RICTOR: variants seen among roughly 807,000 people sequenced by gnomAD.
RICTOR encodes RPTOR independent companion of MTOR complex 2.
In RICTOR, 49 loss-of-function variants were observed where a neutral mutation model predicts 214.9. The observed-to-expected ratio is 0.23, with a 90% CI of 0.18 to 0.29. The LOEUF (loss-of-function observed/expected upper bound fraction) is 0.29. RICTOR is among the 10% of genes least tolerant of loss of function. The probability of loss-of-function intolerance (pLI) is 1.00; values close to 1 mark genes in which losing one functional copy is unlikely to be tolerated. For missense variants in RICTOR, 1,625 were observed against 2,047.0 expected (o/e 0.79, Z 3.98); for synonymous variants, 717 against 711.3 (o/e 1.01, Z -0.13).
chr5:39,067,069 G>A (rs150849552), intron 2 of RICTOR, among the ~76,000 whole-genome samples: 76 of 152,180 alleles, frequency 5.0e-4, no homozygotes, highest in African/African-American at 1.6e-3. Context: ...AATGCTCCAC[G>A]CCCACTTACC....
chr5:38,953,183 TGA>T, intron 28 of RICTOR, 92 bp from the exon 29 acceptor site: 1 of 851,180 alleles, frequency 1.2e-6, no homozygotes, highest in Non-Finnish European at 1.9e-6. Context: ...ACCTCATCTC[TGA>T]GAGAGAAAAA....
Position 39,062,817 on chromosome 5 carries a change from A to G in RICTOR, c.97+11294T>C, listed in dbSNP as rs1288759767. On this transcript the variant is annotated intron_variant, in intron 2 of 37. Transcript: ENST00000357387. Reference sequence around the variant, plus strand: ...CCTGAAGTCTTGTTTTGCTGCTATAATAGAGCAATAATTTCCTCAAACACT... The same window carrying G: ...CCTGAAGTCTTGTTTTGCTGCTATAGTAGAGCAATAATTTCCTCAAACACT... Among the ~76,000 whole-genome samples, 5 of 152,290 alleles carry G rather than the reference A, an allele frequency of 3.3e-5. No homozygotes were observed. In the East Asian group the frequency reaches 9.6e-4, roughly 29 times the overall value.
chr5:39,042,061 A>C (rs1580173507), intron 2 of RICTOR, among the ~76,000 whole-genome samples: 1 of 152,256 alleles, frequency 6.6e-6, no homozygotes, highest in South Asian at 2.1e-4. Context: ...CCATAGAAAT[A>C]CCAATTCCAG....
chr5:39,028,433 C>A (rs889462830), intron 2 of RICTOR, among the ~76,000 whole-genome samples: 1 of 152,066 alleles, frequency 6.6e-6, no homozygotes, highest in Non-Finnish European at 1.5e-5. Context: ...CCGCCCGCCT[C>A]GGCCTCCCAA....
rs959981264 is a variant in RICTOR at position 38,939,359 on chromosome 5, T to C, written c.*2945A>G. The C allele has an allele frequency of 1.3e-5, 3 of 232,406 alleles. No homozygotes were observed. The highest frequency in any genetic ancestry group is 4.4e-5 in the African/African-American group (2 of 45,436). The allele number at this position is 232,406 out of a possible 1,614,324, so 14.4% of individuals were successfully genotyped here. On this transcript the variant is annotated 3_prime_UTR_variant, in exon 38 of 38. Coordinates refer to ENST00000357387, the MANE Select transcript of RICTOR (RefSeq NM_152756.5). ...GTACACATTATGTTAATAATGTATA[T>C]ACTTCCAAAGAGCCTCTTTTAATGT...
chr5:39,042,160 T>C (rs1757220634), intron 2 of RICTOR, among the ~76,000 whole-genome samples: 1 of 152,018 alleles, frequency 6.6e-6, no homozygotes, highest in Non-Finnish European at 1.5e-5. Context: ...ATATGAAACA[T>C]GCTATAAAGG....
intron 5 of RICTOR, among the ~76,000 whole-genome samples, chr5:38,997,921 G>A (rs1337965993): frequency 1.3e-5 from 2 of 152,196 alleles, no homozygotes; most frequent in African/African-American, 4.8e-5. Flanking sequence ...AGAAGAAAGT[G>A]AGCTAAAATC....
At chr5:38,947,240 AAAC>A in intron 32 of RICTOR, 21 bp downstream of exon 32, 1 of 1,556,564 alleles carries the variant, frequency 6.4e-7, no homozygotes. Flanking sequence ...ACTCATAGGA[AAAC>A]AATAAAATGT....
intron 9 of RICTOR, among the ~76,000 whole-genome samples, chr5:38,976,358 C>T (rs1418354737): frequency 2.7e-5 from 4 of 150,514 alleles, no homozygotes; most frequent in Admixed American, 6.6e-5. Context: ...TGTGAGCATA[C>T]AAAAAAATCA....
At position 38,945,078 on chromosome 5, in the gene RICTOR, A is replaced by G; in HGVS notation, c.4634-10T>C. ...GGAATATCTTGAAAGTCTGAAGAAA[A>G]AAATAATTATTTCAATTAAAGCACC... On this transcript the variant is annotated splice_polypyrimidine_tract_variant and intron_variant, in intron 34 of 37. Coordinates refer to ENST00000357387, the MANE Select transcript of RICTOR (RefSeq NM_152756.5). 6.4e-7 allele frequency: 1 copy of G among 1,573,104 alleles called. No homozygotes were observed. Among genetic ancestry groups the G allele is most frequent in the Non-Finnish European group, 8.7e-7 (1 of 1,151,540 alleles).
chr5:39,045,926 C>T (rs975293657), intron 2 of RICTOR, among the ~76,000 whole-genome samples: 3 of 151,800 alleles, frequency 2.0e-5, no homozygotes, highest in African/African-American at 7.3e-5. Context: ...CTAATCTTTC[C>T]ATTTGTATTG....
At chr5:38,948,192 C>T (rs1748403119) in intron 31 of RICTOR, among the ~76,000 whole-genome samples, 1 of 152,116 alleles carries the variant, frequency 6.6e-6, no homozygotes, top group South Asian at 2.1e-4. Context: ...CAAGGTTCCA[C>T]ATTTATATAC....
chr5:39,010,225 C>T (rs998787643), intron 3 of RICTOR, among the ~76,000 whole-genome samples: 1 of 152,176 alleles, frequency 6.6e-6, no homozygotes, highest in African/African-American at 2.4e-5. Flanking sequence ...CTTTTCTAGG[C>T]ACTCATTTTC....
rs1326623493 is a variant in RICTOR, at chr5:38,992,464, T to C, written c.457-1389A>G. On this transcript the variant is annotated intron_variant, in intron 6 of 37. Transcript: ENST00000357387. ...GAGCTGGCTGAAAAAACCGGCAAAA[T>C]GGTTTTTAGAGTTAAGTCTGCTATA... 3.3e-5 allele frequency among the ~76,000 whole-genome samples: 5 copies of C among 152,234 alleles called. No homozygotes were observed. In the South Asian group the frequency reaches 6.2e-4, roughly 19 times the overall value.
chr5:39,027,169 T>C, intron 2 of RICTOR, among the ~76,000 whole-genome samples: 1 of 152,282 alleles, frequency 6.6e-6, no homozygotes, highest in Middle Eastern at 3.4e-3. Flanking sequence ...GTATAAAACT[T>C]TAAGTATAGC....
In RICTOR at chr5:39,074,099, G is replaced by A. The variant is rs750621765; in HGVS notation, c.97+12C>T. 6.4e-7 allele frequency: 1 copy of A among 1,555,952 alleles called. No homozygotes were observed. The highest frequency in any genetic ancestry group is 1.2e-5 in the South Asian group (1 of 85,928). On this transcript the variant is annotated intron_variant, in intron 2 of 37. Transcript: ENST00000357387. ...AGCGCGCCCTCGCGGCGCCCGCGGC[G>A]CCCCGCGTTACCTCGGGTCAGATCC...
intron 2 of RICTOR, 152 bp downstream of exon 2, chr5:39,073,959 C>A: frequency 3.5e-6 from 1 of 284,954 alleles, no homozygotes; most frequent in Non-Finnish European, 5.6e-6. Flanking sequence ...GCCCCGGGCT[C>A]GGTTCCCGCG....
intron 2 of RICTOR, among the ~76,000 whole-genome samples, chr5:39,036,445 G>GT (rs779462624): frequency 2.7e-4 from 41 of 152,158 alleles, no homozygotes; most frequent in Admixed American, 1.0e-3. Context: ...CATAATGACA[G>GT]TATCAAATTC....
chr5:39,067,110 C>T (rs1321770478), intron 2 of RICTOR, among the ~76,000 whole-genome samples: 1 of 152,158 alleles, frequency 6.6e-6, no homozygotes, highest in South Asian at 2.1e-4. Flanking sequence ...TCTTGCACTG[C>T]TATAAAGAAG....
Sources: allele counts gnomAD v4.1 joint callset (sites outside exome capture counted in the v4.1 genomes callset), GRCh38; gene constraint gnomAD v4.1.1; transcripts MANE v1.5; gene names NCBI Gene and HGNC (gene_info 2026-07-23, HGNC 2026-07-21).